Variants in FBLN7 observed in about 807,000 individuals in gnomAD.
The protein encoded by FBLN7 is fibulin 7, also known as fibulin-7.
In FBLN7, 31 loss-of-function variants were observed where a neutral mutation model predicts 44.0. The ratio of observed to expected loss-of-function variants is 0.70; its 90% CI spans 0.53 to 0.95. FBLN7 has a LOEUF of 0.95. Among genes scored for constraint, FBLN7 ranks in the 40% least tolerant of loss-of-function variants. The pLI, the probability that FBLN7 is intolerant of heterozygous loss-of-function variation, is 0.00. For missense variants in FBLN7, 573 were observed against 618.5 expected, an observed-to-expected ratio of 0.93 and a Z score of 0.78; for synonymous variants, 262 against 253.4, an observed-to-expected ratio of 1.03 and a Z score of -0.32.
the FBLN7 span, among the ~76,000 whole-genome samples, chr2:112,237,634 T>C: frequency 6.6e-6 from 1 of 152,062 alleles, no homozygotes; most frequent in African/African-American, 2.4e-5. Context: ...TGGAGTGCAC[T>C]GTGTGATCTC....
At position 112,178,997 on chromosome 2, in the gene FBLN7, C is replaced by T. The variant is rs564828498; in HGVS notation, c.533-2742C>T. Among the ~76,000 whole-genome samples the T allele has an allele frequency of 7.9e-5, 12 of 152,120 alleles. No individual in the cohort carries two copies. The East Asian group carries it at 1.2e-3, about 15-fold the overall frequency. ...TGGAAGTCCTGGCGAGAGCAACAGG[C>T]GAGAGAAAGAAATAAAGCGCATCCA... On this transcript the variant is annotated intron_variant, in intron 4 of 7. Coordinates refer to ENST00000331203, the MANE Select transcript of FBLN7 (RefSeq NM_153214.3).
At chr2:112,207,269 C>T in the FBLN7 span, among the ~76,000 whole-genome samples, 3 of 152,046 alleles carry the variant, frequency 2.0e-5, no homozygotes, top group Non-Finnish European at 4.4e-5. Flanking sequence ...GAGTTCAAGA[C>T]CAGCCTGGCC....
chr2:112,160,742 A>ACGCG (rs1425608338), intron 2 of FBLN7, among the ~76,000 whole-genome samples: 3 of 81,050 alleles, frequency 3.7e-5, no homozygotes, highest in African/African-American at 1.7e-4. Flanking sequence ...GCACACGCAC[A>ACGCG]CACGCGCACG....
the FBLN7 span, among the ~76,000 whole-genome samples, chr2:112,203,720 T>A: frequency 6.6e-6 from 1 of 152,192 alleles, no homozygotes; most frequent in Non-Finnish European, 1.5e-5. Context: ...AGATGTTTAA[T>A]TGGACTTACA....
At chr2:112,241,407 TA>T in the FBLN7 span, among the ~76,000 whole-genome samples, 2 of 152,116 alleles carry the variant, frequency 1.3e-5, no homozygotes, top group Non-Finnish European at 2.9e-5. Flanking sequence ...CTACTCACCA[TA>T]AAGCAGGGGT....
chr2:112,169,384 C>G (rs1174525873), intron 3 of FBLN7, among the ~76,000 whole-genome samples: 1 of 152,176 alleles, frequency 6.6e-6, no homozygotes, highest in East Asian at 1.9e-4. Context: ...CTCCATTTCT[C>G]CTTTATTTTC....
the FBLN7 span, chr2:112,211,501 T>C: frequency 1.3e-5 from 2 of 152,174 alleles, no homozygotes; most frequent in East Asian, 3.8e-4. Context: ...AATTCACTCA[T>C]CCATAATAAA....
intron 2 of FBLN7, among the ~76,000 whole-genome samples, chr2:112,161,789 T>C (rs1219353571): frequency 6.6e-6 from 1 of 152,268 alleles, no homozygotes; most frequent in African/African-American, 2.4e-5. Flanking sequence ...ACAACATTTT[T>C]TAAAGTGCCA....
At chr2:112,212,765 A>G in the FBLN7 span, 2 of 152,082 alleles carry the variant, frequency 1.3e-5, no homozygotes, top group African/African-American at 4.8e-5. Flanking sequence ...ATAAGACTGT[A>G]ATAAAGATTA....
chr2:112,239,840 C>T, the FBLN7 span, among the ~76,000 whole-genome samples: 1 of 152,166 alleles, frequency 6.6e-6, no homozygotes. Context: ...CTGCCTCGGC[C>T]TCCCAAAGTG....
the FBLN7 span, among the ~76,000 whole-genome samples, chr2:112,200,318 C>G: frequency 6.6e-6 from 1 of 152,112 alleles, no homozygotes; most frequent in Non-Finnish European, 1.5e-5. Flanking sequence ...CTGTGCAGAG[C>G]CATGGGGGAC....
downstream of FBLN7, among the ~76,000 whole-genome samples, chr2:112,190,941 A>G (rs1045464872): frequency 3.9e-5 from 6 of 152,132 alleles, no homozygotes; most frequent in Non-Finnish European, 7.4e-5. Flanking sequence ...GATACTTCCA[A>G]TTTAATTCAG....
the FBLN7 span, among the ~76,000 whole-genome samples, chr2:112,235,259 G>C: frequency 6.6e-6 from 1 of 152,252 alleles, no homozygotes; most frequent in South Asian, 2.1e-4. Context: ...TCAAATTTAT[G>C]TCTTATAAAT....
chr2:112,166,826 A>G (rs1012261503), intron 3 of FBLN7, among the ~76,000 whole-genome samples: 3 of 152,210 alleles, frequency 2.0e-5, no homozygotes, highest in Non-Finnish European at 4.4e-5. Flanking sequence ...TGCCACGTGC[A>G]GTCTGCTCCA....
the FBLN7 span, among the ~76,000 whole-genome samples, chr2:112,224,227 G>A: frequency 2.6e-5 from 4 of 152,146 alleles, no homozygotes; most frequent in African/African-American, 9.7e-5. Context: ...TATCAGGAAC[G>A]TAAGGGTGGT....
At chr2:112,175,579 G>A in intron 3 of FBLN7, 135 bp from the exon 4 acceptor site, 1 of 1,146,042 alleles carries the variant, frequency 8.7e-7, no homozygotes, top group African/African-American at 1.5e-5. Context: ...AGGGTGGAAA[G>A]AGTGGGTGGG....
At chr2:112,197,274 C>CACACACACACAGAGAG in the FBLN7 span, among the ~76,000 whole-genome samples, 38 of 98,650 alleles carry the variant, frequency 3.9e-4, no homozygotes, top group East Asian at 7.9e-4. Context: ...CACACACACA[C>CACACACACACAGAGAG]AGAGAGAGAG....
chr2:112,167,869 C>CATTATGTTATGTTATTTATGTTAT (rs1553476212), intron 3 of FBLN7, among the ~76,000 whole-genome samples: 4 of 132,930 alleles, frequency 3.0e-5, no homozygotes, highest in Non-Finnish European at 6.4e-5. Context: ...AGGAAAGACA[C>CATTATGTTATGTTATTTATGTTAT]GTTATGTTAT....
the FBLN7 span, among the ~76,000 whole-genome samples, chr2:112,204,340 A>G: frequency 8.6e-4 from 131 of 152,050 alleles, no homozygotes; most frequent in South Asian, 0.011. Context: ...GCATATCAAT[A>G]TATGTATAAT....
Sources: gnomAD v4.1 joint callset for allele counts (sites outside exome capture counted in the v4.1 genomes callset) on GRCh38, gnomAD v4.1.1 for gene constraint, MANE v1.5 for transcripts, NCBI Gene and HGNC (gene_info 2026-07-23, HGNC 2026-07-21) for gene names.